SEMA5A: variants seen among roughly 807,000 people sequenced by gnomAD.
SEMA5A encodes semaphorin-5A.
In SEMA5A, 55 loss-of-function variants were observed where a neutral mutation model predicts 135.5. The ratio of observed to expected loss-of-function variants is 0.41; its 90% CI spans 0.33 to 0.51. SEMA5A has a LOEUF of 0.51. SEMA5A is among the 20% of genes least tolerant of loss of function. The pLI, the probability that SEMA5A is intolerant of heterozygous loss-of-function variation, is 0.37. For missense variants in SEMA5A, 1,290 were observed against 1,419.9 expected (o/e 0.91, Z 1.47); for synonymous variants, 580 against 546.5 (o/e 1.06, Z -0.85).
At chr5:9,457,187 A>C (rs1422942318) in intron 1 of SEMA5A, among the ~76,000 whole-genome samples, 1 of 152,232 alleles carries the variant, frequency 6.6e-6, no homozygotes, top group Non-Finnish European at 1.5e-5. Flanking sequence ...GAACTTCCTA[A>C]GATACTTAAA....
At chr5:9,220,346 T>G (rs2150405764) in intron 8 of SEMA5A, among the ~76,000 whole-genome samples, 1 of 151,132 alleles carries the variant, frequency 6.6e-6, no homozygotes, top group Admixed American at 6.6e-5. Flanking sequence ...GCCCCAGAAA[T>G]TATTGGAATA....
rs184606050 is a variant in SEMA5A at position 9,118,019 on chromosome 5, G to T, written c.1925+979C>A. 3.5e-4 allele frequency among the ~76,000 whole-genome samples: 54 copies of T among 152,322 alleles called. 1 individual carries two copies. The highest frequency in any genetic ancestry group is 5.6e-4 in the Non-Finnish European group (38 of 68,026). The stretch of plus-strand genomic sequence containing the variant: ...GAATGATTCTCCTTAGTTGATTTTA[G>T]GTTGTAGTAAATACCTAATAGAGAG... On this transcript the variant is annotated intron_variant, in intron 15 of 22. Transcript: ENST00000382496.
At chr5:9,090,205 G>A (rs1465293796) in intron 16 of SEMA5A, among the ~76,000 whole-genome samples, 1 of 152,146 alleles carries the variant, frequency 6.6e-6, no homozygotes, top group Non-Finnish European at 1.5e-5. Flanking sequence ...CTTCAGCAGG[G>A]TAAACCTGTT....
intron 11 of SEMA5A, among the ~76,000 whole-genome samples, chr5:9,188,960 A>C (rs949638267): frequency 1.3e-5 from 2 of 152,138 alleles, no homozygotes; most frequent in Non-Finnish European, 2.9e-5. Flanking sequence ...CTCTTCCCAC[A>C]GACTGGCCCT....
chr5:9,408,477 T>C (rs935218771), intron 2 of SEMA5A, among the ~76,000 whole-genome samples: 2 of 152,216 alleles, frequency 1.3e-5, no homozygotes, highest in Non-Finnish European at 2.9e-5. Context: ...ACAGTGGATA[T>C]GCAGTAAATA....
chr5:9,449,174 C>G (rs570020655), intron 1 of SEMA5A, among the ~76,000 whole-genome samples: 220 of 152,250 alleles, frequency 1.4e-3, no homozygotes, highest in African/African-American at 5.0e-3. Flanking sequence ...ACATAAATGC[C>G]CATCAGTGAT....
chr5:9,194,580 G>T (rs1433093417), intron 10 of SEMA5A, among the ~76,000 whole-genome samples: 1 of 152,194 alleles, frequency 6.6e-6, no homozygotes, highest in Non-Finnish European at 1.5e-5. Context: ...TGTCTGTGAG[G>T]ATACTTTGCC....
chr5:9,497,513 T>C (rs993083023), intron 1 of SEMA5A, among the ~76,000 whole-genome samples: 1 of 152,198 alleles, frequency 6.6e-6, no homozygotes, highest in African/African-American at 2.4e-5. Flanking sequence ...TATGTGAGAC[T>C]TGACGTCGAG....
intron 5 of SEMA5A, among the ~76,000 whole-genome samples, chr5:9,248,832 T>C (rs1484871060): frequency 6.6e-6 from 1 of 152,204 alleles, no homozygotes; most frequent in Non-Finnish European, 1.5e-5. Context: ...CTGGAGAAAG[T>C]GTGGCCCGGG....
intron 5 of SEMA5A, among the ~76,000 whole-genome samples, chr5:9,281,628 G>A (rs921891729): frequency 2.0e-5 from 3 of 152,128 alleles, no homozygotes; most frequent in African/African-American, 7.2e-5. Flanking sequence ...GGGTTCTTCA[G>A]GGACAATGAG....
At chr5:9,233,679 T>TA (rs766835270) in intron 6 of SEMA5A, among the ~76,000 whole-genome samples, 1 of 152,338 alleles carries the variant, frequency 6.6e-6, no homozygotes, top group East Asian at 1.9e-4. Context: ...TAATGGATTA[T>TA]ATGTGAAATC....
At chr5:9,225,039 A>T in intron 7 of SEMA5A, 152 bp from the exon 8 acceptor site, 5 of 636,908 alleles carry the variant, frequency 7.9e-6, no homozygotes, top group South Asian at 2.0e-5. Flanking sequence ...ATTCCAACTG[A>T]TGTAAAGAGC....
At chr5:9,383,834 G>T (rs1755717466) in intron 2 of SEMA5A, among the ~76,000 whole-genome samples, 1 of 152,022 alleles carries the variant, frequency 6.6e-6, no homozygotes, top group Admixed American at 6.5e-5. Flanking sequence ...TAACATCTTT[G>T]CCACCTGAAT....
At chr5:9,375,218 A>C (rs1043808533) in intron 3 of SEMA5A, among the ~76,000 whole-genome samples, 1 of 152,150 alleles carries the variant, frequency 6.6e-6, no homozygotes, top group African/African-American at 2.4e-5. Context: ...CTCCCAAAAG[A>C]TATACTGAAG....
intron 16 of SEMA5A, among the ~76,000 whole-genome samples, chr5:9,092,398 T>C (rs1272466404): frequency 6.6e-6 from 1 of 152,238 alleles, no homozygotes; most frequent in East Asian, 1.9e-4. Flanking sequence ...TGAGGCTCTC[T>C]ATAATAGTTG....
intron 3 of SEMA5A, among the ~76,000 whole-genome samples, chr5:9,339,113 A>G (rs1753528607): frequency 6.6e-6 from 1 of 152,204 alleles, no homozygotes; most frequent in South Asian, 2.1e-4. Context: ...AAATACGTAG[A>G]ACAAGGTATG....
At chr5:9,533,123 C>T (rs753398117) in intron 1 of SEMA5A, among the ~76,000 whole-genome samples, 3 of 152,220 alleles carry the variant, frequency 2.0e-5, no homozygotes, top group Non-Finnish European at 4.4e-5. Context: ...AGATGTTGAA[C>T]ACGCCAATTC....
chr5:9,131,736 C>T lies in SEMA5A; in HGVS notation c.1599+4768G>A, dbSNP rs533468302. 1.3e-4 allele frequency among the ~76,000 whole-genome samples: 20 copies of T among 151,250 alleles called. No homozygotes were observed. The South Asian group carries it at 4.2e-3, about 32-fold the overall frequency. ...TCCAGCCATTCATGAGAGATTCGCC[C>T]CCATGACCTAAACACCTCCCACCAG... is the stretch of plus-strand genomic sequence containing the variant. On this transcript the variant is annotated intron_variant, in intron 13 of 22. Transcript: ENST00000382496.
At chr5:9,098,519 T>C (rs1239876564) in intron 16 of SEMA5A, among the ~76,000 whole-genome samples, 2 of 152,208 alleles carry the variant, frequency 1.3e-5, no homozygotes, top group Non-Finnish European at 2.9e-5. Flanking sequence ...TGGAAAAGAA[T>C]ATTGTCTGAT....
Sources: allele counts gnomAD v4.1 joint callset (sites outside exome capture counted in the v4.1 genomes callset), GRCh38; gene constraint gnomAD v4.1.1; transcripts MANE v1.5; gene names NCBI Gene and HGNC (gene_info 2026-07-23, HGNC 2026-07-21).